Variants in TDRD3 observed in about 807,000 individuals in gnomAD.
The protein encoded by TDRD3 is tudor domain containing 3.
In TDRD3, 45 loss-of-function variants were observed where a neutral mutation model predicts 86.7. That is an observed-to-expected ratio of 0.52 (90% CI 0.41 to 0.67). The LOEUF (loss-of-function observed/expected upper bound fraction) is 0.67, where lower values mean the gene tolerates loss of function less well. TDRD3 is among the 30% of genes least tolerant of loss of function. TDRD3 has a pLI of 0.00. For synonymous variants in TDRD3, 298 were observed against 301.7 expected (o/e 0.99, Z 0.13); for missense variants, 814 against 889.0 (o/e 0.92, Z 1.07).
chr13:60,546,486 A>G (rs1240344656), intron 12 of TDRD3, among the ~76,000 whole-genome samples: 1 of 152,146 alleles, frequency 6.6e-6, no homozygotes, highest in Non-Finnish European at 1.5e-5. Flanking sequence ...AATTTTAGGC[A>G]TAATTTAGAA....
At chr13:60,537,321 G>A (rs189109160) in intron 12 of TDRD3, 3 of 151,890 alleles carry the variant, frequency 2.0e-5, no homozygotes, top group Non-Finnish European at 4.4e-5. Context: ...TTAGTTGAGA[G>A]AAATATCTCC....
intron 3 of TDRD3, among the ~76,000 whole-genome samples, chr13:60,458,336 A>G (rs1344415851): frequency 6.6e-6 from 1 of 152,214 alleles, no homozygotes; most frequent in African/African-American, 2.4e-5. Context: ...AATGTAATGC[A>G]TGTGTCCATT....
intron 11 of TDRD3, among the ~76,000 whole-genome samples, chr13:60,532,210 C>T (rs1285125049): frequency 6.6e-6 from 1 of 152,074 alleles, no homozygotes; most frequent in African/African-American, 2.4e-5. Context: ...AAAAACAGTA[C>T]CTAACAATTC....
chr13:60,453,902 T>A lies in TDRD3; in HGVS notation c.193-6478T>A, dbSNP rs1353358493. Reference sequence around the variant, plus strand: ...ACAACTTCTTAATTCAACTCATTAGTTTTTTTTGTTTTTTTTTCAGTTCTC... The same window carrying A: ...ACAACTTCTTAATTCAACTCATTAGATTTTTTTGTTTTTTTTTCAGTTCTC... On this transcript the variant is annotated intron_variant, in intron 3 of 13. Transcript: ENST00000377881. Among the ~76,000 whole-genome samples the A allele has an allele frequency of 2.0e-5, 3 of 151,954 alleles. No individual in the cohort carries two copies. In the East Asian group the frequency reaches 5.8e-4, roughly 29 times the overall value.
intron 12 of TDRD3, among the ~76,000 whole-genome samples, chr13:60,566,822 T>C (rs1173021068): frequency 1.3e-5 from 2 of 152,210 alleles, no homozygotes; most frequent in Admixed American, 1.3e-4. Flanking sequence ...TTTAATCTGC[T>C]TATCCTAATT....
In TDRD3 at chr13:60,398,509, G is replaced by A. The variant is rs373874672; in HGVS notation, c.41+1104G>A. Among the ~76,000 whole-genome samples the A allele has an allele frequency of 3.9e-5, 6 of 152,340 alleles. No homozygotes were observed. In the East Asian group the frequency reaches 9.6e-4, roughly 24 times the overall value. On this transcript the variant is annotated intron_variant, in intron 1 of 13. Transcript: ENST00000377881. The stretch of plus-strand genomic sequence containing the variant: ...CACAAGATCTATATGGTTCGTGAAA[G>A]ATGTGGATTTGATTTTGTGAATAAA...
At chr13:60,525,507 A>G (rs1171645171) in intron 10 of TDRD3, among the ~76,000 whole-genome samples, 2 of 152,042 alleles carry the variant, frequency 1.3e-5, no homozygotes, top group African/African-American at 4.8e-5. Flanking sequence ...AATTTTCTTT[A>G]TAAATTTTAC....
intron 2 of TDRD3, among the ~76,000 whole-genome samples, chr13:60,442,312 T>C (rs1955296355): frequency 6.6e-6 from 1 of 152,124 alleles, no homozygotes; most frequent in South Asian, 2.1e-4. Flanking sequence ...TTTTGTATAA[T>C]ATAAAATGAT....
intron 5 of TDRD3, among the ~76,000 whole-genome samples, chr13:60,472,377 A>ACCATCTT (rs1956091587): frequency 8.5e-5 from 13 of 152,228 alleles, no homozygotes; most frequent in Admixed American, 7.2e-4. Flanking sequence ...CAGTAGTTTA[A>ACCATCTT]AACACATTCA....
At chr13:60,503,087 A>G (rs943288328) in intron 8 of TDRD3, among the ~76,000 whole-genome samples, 18 of 152,218 alleles carry the variant, frequency 1.2e-4, no homozygotes, top group Non-Finnish European at 2.5e-4. Flanking sequence ...AAAGACAAAC[A>G]AGGATCATCA....
chr13:60,437,565 G>A (rs1471212116), intron 1 of TDRD3, among the ~76,000 whole-genome samples: 3 of 151,500 alleles, frequency 2.0e-5, no homozygotes, highest in Admixed American at 6.6e-5. Flanking sequence ...CTGTAAAGTT[G>A]AAGAGGTGAA....
chr13:60,511,981 C>G (rs1957068779), intron 10 of TDRD3, among the ~76,000 whole-genome samples: 3 of 152,084 alleles, frequency 2.0e-5, no homozygotes, highest in Admixed American at 2.0e-4. Flanking sequence ...CCTTTGATTT[C>G]CTTTCATCCT....
chr13:60,569,332 T>C (rs1249198358), intron 13 of TDRD3, among the ~76,000 whole-genome samples: 1 of 151,928 alleles, frequency 6.6e-6, no homozygotes, highest in Admixed American at 6.6e-5. Context: ...TAGCTACAAA[T>C]ACAATAAAAC....
intron 1 of TDRD3, among the ~76,000 whole-genome samples, chr13:60,401,455 G>C (rs1954099289): frequency 6.6e-6 from 1 of 152,116 alleles, no homozygotes; most frequent in Admixed American, 6.5e-5. Flanking sequence ...TTATCTGTAG[G>C]GGCCCTGGGA....
intron 5 of TDRD3, among the ~76,000 whole-genome samples, chr13:60,482,318 C>A (rs1359151046): frequency 6.6e-6 from 1 of 152,120 alleles, no homozygotes; most frequent in Non-Finnish European, 1.5e-5. Context: ...AAAGCCATAG[C>A]TCACCTGTTT....
At chr13:60,470,191 A>G (rs1372597026) in intron 5 of TDRD3, among the ~76,000 whole-genome samples, 1 of 152,206 alleles carries the variant, frequency 6.6e-6, no homozygotes, top group African/African-American at 2.4e-5. Context: ...GTGTTCATCT[A>G]TGTTGCAGCA....
In TDRD3 at chr13:60,491,537, C is replaced by G. The variant is rs536615986; in HGVS notation, c.718-2898C>G. Among the ~76,000 whole-genome samples, 48 of 152,268 alleles carry G rather than the reference C, an allele frequency of 3.2e-4. 1 individual carries two copies. Among genetic ancestry groups the G allele is most frequent in the African/African-American group, 1.1e-3 (47 of 41,562 alleles). On this transcript the variant is annotated intron_variant, in intron 7 of 13. Transcript: ENST00000377881. ...GGTGTGACCAGTAACAGGATAAAAA[C>G]AGACAATGCAGAAAATACATTATGG...
At chr13:60,397,029 C>G (rs1259229152), upstream of TDRD3, 1 of 216,858 alleles carries the variant, frequency 4.6e-6, no homozygotes, top group Non-Finnish European at 9.1e-6. Context: ...CTCAGAAAAG[C>G]GCCCCCCAAA....
Position 60,510,654 on chromosome 13 carries a change from T to A in TDRD3, c.1040T>A (p.Ile347Lys). The A allele has an allele frequency of 6.2e-7, 1 of 1,602,684 alleles. No homozygotes were observed. Among genetic ancestry groups the A allele is most frequent in the Non-Finnish European group, 8.5e-7 (1 of 1,174,496 alleles). Residue 347 changes from isoleucine to lysine, a missense_variant, in exon 10 of 14, where the codon ATA becomes AAA. Transcript: ENST00000377881. ...GGTAGAGGAAAAGGCAGGGGGCGAA[T>A]AAGATCTGAAGATGAAGAGGACCTG... The part of the protein sequence containing the change: ...LRGRGKGRGR[I>K]RSEDEEDLGN...
Sources: gnomAD v4.1 joint callset for allele counts (sites outside exome capture counted in the v4.1 genomes callset) on GRCh38, gnomAD v4.1.1 for gene constraint, MANE v1.5 for transcripts, NCBI Gene and HGNC (gene_info 2026-07-23, HGNC 2026-07-21) for gene names.